Variants in UBE3C observed in about 807,000 individuals in gnomAD.
UBE3C encodes ubiquitin-protein ligase E3C.
UBE3C carries 42 observed loss-of-function variants against 129.4 expected under a neutral mutation model. That is an observed-to-expected ratio of 0.32 (90% CI 0.25 to 0.42). UBE3C has a LOEUF of 0.42. Ranked by LOEUF, UBE3C falls within the 10% of genes least tolerant of loss-of-function variation. The probability of loss-of-function intolerance (pLI) is 1.00; values close to 1 mark genes in which losing one functional copy is unlikely to be tolerated. For missense variants in UBE3C, 1,049 were observed against 1,319.1 expected, an observed-to-expected ratio of 0.80 and a Z score of 3.17; for synonymous variants, 510 against 492.4, an observed-to-expected ratio of 1.04 and a Z score of -0.47.
intron 21 of UBE3C, among the ~76,000 whole-genome samples, 158 bp downstream of exon 21, chr7:157,254,468 G>C (rs543430105): frequency 2.0e-5 from 3 of 151,264 alleles, no homozygotes; most frequent in South Asian, 4.2e-4. Context: ...CGCGATCCCA[G>C]CTCACTGAAA....
chr7:157,151,561 G>A (rs889101306), intron 1 of UBE3C, among the ~76,000 whole-genome samples: 6 of 152,050 alleles, frequency 3.9e-5, no homozygotes, highest in African/African-American at 7.2e-5. Flanking sequence ...ACCTTCTCCC[G>A]TATGCTGCTT....
chr7:157,170,383 C>T lies in UBE3C; in HGVS notation c.275C>T (p.Pro92Leu). ...GGCGCTTTTCCCATTGCTAATGGCC[C>T]CAACCTTACCCTTTTGGTAAGGCAG... ...SGGAFPIANG[P>L]NLTLLVRQLL... The change falls in exon 4 of 23, where the codon CCC (proline) becomes CTC (leucine). Residue 92 changes from proline to leucine, a missense_variant. Pro to Leu is a moderately conservative substitution (Grantham distance 98). This residue lies in a region of UBE3C where 489 missense variants were observed against 513.8 expected (regional missense o/e 0.95). Coordinates refer to ENST00000348165, the MANE Select transcript of UBE3C (RefSeq NM_014671.3). The T allele has an allele frequency of 6.3e-7, 1 of 1,575,770 alleles. No homozygotes were observed. The highest frequency in any genetic ancestry group is 1.9e-5 in the Admixed American group (1 of 52,380).
Position 157,267,503 on chromosome 7 carries a change from G to A in UBE3C, c.3082-82G>A, listed in dbSNP as rs144856679. 6,888 of 1,500,410 alleles carry A rather than the reference G, an allele frequency of 4.6e-3. 145 individuals carry two copies. The highest frequency in any genetic ancestry group is 0.042 in the South Asian group (3,503 of 84,184). The allele number at this position is 1,500,410 out of a possible 1,614,324, so 92.9% of individuals were successfully genotyped here. ...ATGGTAACTTTACTGATTGGAGCAG[G>A]CACATTTTGTGTACTTTGTATTAAA... On this transcript the variant is annotated intron_variant, in intron 22 of 22. Coordinates refer to ENST00000348165, the MANE Select transcript of UBE3C (RefSeq NM_014671.3).
At chr7:157,156,732 A>C (rs1334797928) in intron 1 of UBE3C, among the ~76,000 whole-genome samples, 1 of 148,884 alleles carries the variant, frequency 6.7e-6, no homozygotes, top group Non-Finnish European at 1.5e-5. Flanking sequence ...AAAAAAAAAC[A>C]CAAGCTAGAG....
chr7:157,193,451 T>TC (rs1354196352), intron 10 of UBE3C, among the ~76,000 whole-genome samples: 1 of 152,174 alleles, frequency 6.6e-6, no homozygotes, highest in Non-Finnish European at 1.5e-5. Flanking sequence ...GCCAGTGTCT[T>TC]CCATTGTGTT....
chr7:157,164,332 A>T, intron 2 of UBE3C: 1 of 455,992 alleles, frequency 2.2e-6, no homozygotes, highest in South Asian at 1.5e-5. Flanking sequence ...AATTTTTAAG[A>T]TTTTTACATA....
intron 22 of UBE3C, among the ~76,000 whole-genome samples, chr7:157,258,575 TCAGCCTC>T (rs1296583554): frequency 2.0e-5 from 3 of 152,222 alleles, no homozygotes; most frequent in African/African-American, 7.2e-5. Context: ...TTCTCCTGCC[TCAGCCTC>T]CTGAATAGCT....
intron 10 of UBE3C, among the ~76,000 whole-genome samples, chr7:157,201,238 C>G (rs1440989981): frequency 6.6e-6 from 1 of 151,896 alleles, no homozygotes; most frequent in Non-Finnish European, 1.5e-5. Flanking sequence ...ACAGGAGAAC[C>G]CCTTGAACCC....
rs2117006760 is a variant in UBE3C, at chr7:157,207,396, A to G, written c.1419-2A>G. 6.3e-7 allele frequency: 1 copy of G among 1,597,526 alleles called. No homozygotes were observed. The highest frequency in any genetic ancestry group is 1.2e-5 in the South Asian group (1 of 86,280). On this transcript the variant is annotated splice_acceptor_variant, in intron 11 of 22. Coordinates refer to ENST00000348165, the MANE Select transcript of UBE3C (RefSeq NM_014671.3). LOFTEE classifies it high-confidence loss of function. ...TTTTTTTCTTCTTTTCTTTAATTCA[A>G]GGTCTATGGTACCGTTGCTTCAGGT...
At chr7:157,266,320 AT>A (rs1472768600) in intron 22 of UBE3C, among the ~76,000 whole-genome samples, 1 of 133,128 alleles carries the variant, frequency 7.5e-6, no homozygotes, top group Non-Finnish European at 1.8e-5. Context: ...TCTCAAAAAA[AT>A]AAATAAATAA....
chr7:157,186,557 G>C (rs1350064398), intron 9 of UBE3C, among the ~76,000 whole-genome samples: 1 of 151,984 alleles, frequency 6.6e-6, no homozygotes, highest in African/African-American at 2.4e-5. Context: ...AAAAAAAGTA[G>C]GAAATGAAGT....
intron 10 of UBE3C, among the ~76,000 whole-genome samples, chr7:157,197,373 A>G (rs1809150241): frequency 6.6e-6 from 1 of 152,220 alleles, no homozygotes; most frequent in Non-Finnish European, 1.5e-5. Flanking sequence ...CTATCAACAT[A>G]AGCCAGTCCT....
In UBE3C at chr7:157,267,794, C is replaced by T; in HGVS notation, c.*39C>T. ...GTCAGACCCCTACAGAGAACCAGTG[C>T]TTCCTTCGTCAGCAGCGCCTCCCCA... On this transcript the variant is annotated 3_prime_UTR_variant, in exon 23 of 23. Coordinates refer to ENST00000348165, the MANE Select transcript of UBE3C (RefSeq NM_014671.3). The T allele has an allele frequency of 6.6e-7, 1 of 1,514,882 alleles. No homozygotes were observed. The highest frequency in any genetic ancestry group is 8.8e-7 in the Non-Finnish European group (1 of 1,134,340). 93.8% of individuals were successfully genotyped at this position (1,514,882 alleles called of 1,614,324 possible).
intron 11 of UBE3C, 33 bp from the exon 12 acceptor site, chr7:157,207,365 G>T: frequency 1.3e-6 from 2 of 1,587,784 alleles, no homozygotes; most frequent in South Asian, 1.2e-5. Flanking sequence ...ATTTTAAAGT[G>T]ACTGGTTTTT....
chr7:157,207,891 C>G lies in UBE3C; in HGVS notation c.1765C>G (p.Gln589Glu). 1 of 1,611,442 alleles carries G rather than the reference C, an allele frequency of 6.2e-7. No homozygotes were observed. Among genetic ancestry groups the G allele is most frequent in the African/African-American group, 1.3e-5 (1 of 74,898 alleles). Residue 589 changes from glutamine to glutamate, a missense_variant, in exon 13 of 23, where the codon CAA becomes GAA. Physicochemically the swap from Gln to Glu is conservative, Grantham distance 29. Around this residue, in one of 4 missense-constraint regions of UBE3C, gnomAD observed 314 missense variants for 416.9 expected, o/e 0.75. Transcript: ENST00000348165. ...AGTTACTACTAGCTCTGAAATGCAA[C>G]AATGCATACAGATGGAACAGAAAAG... ...IGVTTSSEMQ[Q>E]CIQMEQKRWI...
intron 13 of UBE3C, among the ~76,000 whole-genome samples, chr7:157,211,573 G>T (rs1463838366): frequency 7.9e-5 from 12 of 152,092 alleles, no homozygotes. Context: ...ATGACCTTGA[G>T]CAGTAGAATA....
At chr7:157,224,165 C>T (rs1795810844) in intron 16 of UBE3C, among the ~76,000 whole-genome samples, 1 of 152,182 alleles carries the variant, frequency 6.6e-6, no homozygotes, top group South Asian at 2.1e-4. Context: ...TCAGCCACTA[C>T]ACCTGGCCTG....
chr7:157,205,190 T>G (rs1809399314), intron 11 of UBE3C, among the ~76,000 whole-genome samples: 1 of 152,252 alleles, frequency 6.6e-6, no homozygotes, highest in Admixed American at 6.5e-5. Flanking sequence ...TGTGTCTCGT[T>G]TGTGCCCTGT....
chr7:157,179,685 C>T (rs1019762935), intron 6 of UBE3C, among the ~76,000 whole-genome samples: 1 of 152,162 alleles, frequency 6.6e-6, no homozygotes, highest in African/African-American at 2.4e-5. Flanking sequence ...GCCGTGGCTG[C>T]AGACAGAATT....
Sources: allele counts gnomAD v4.1 joint callset (sites outside exome capture counted in the v4.1 genomes callset), GRCh38; gene constraint gnomAD v4.1.1; regional missense constraint gnomAD v4.1.1; transcripts MANE v1.5; gene names NCBI Gene and HGNC (gene_info 2026-07-23, HGNC 2026-07-21).